The following BMP2K variants were observed in gnomAD, a reference collection of about 807,000 sequenced individuals.
BMP2K encodes the protein BMP-2-inducible protein kinase.
BMP2K carries 74 observed loss-of-function variants against 116.0 expected under a neutral mutation model. The ratio of observed to expected loss-of-function variants is 0.64; its 90% confidence interval spans 0.53 to 0.77. The LOEUF (loss-of-function observed/expected upper bound fraction) is 0.77, where lower values mean the gene tolerates loss of function less well. Among genes scored for constraint, BMP2K ranks in the 30% least tolerant of loss-of-function variants. The pLI, the probability that BMP2K is intolerant of heterozygous loss-of-function variation, is 0.00. For synonymous variants in BMP2K, 486 were observed against 502.5 expected, an observed-to-expected ratio of 0.97 and a Z score of 0.44; for missense variants, 1,365 against 1,403.6, an observed-to-expected ratio of 0.97 and a Z score of 0.44.
chr4:78,870,707 A>G, intron 10 of BMP2K, 76 bp from the exon 11 acceptor site: 1 of 1,515,420 alleles, frequency 6.6e-7, no homozygotes, highest in Non-Finnish European at 8.8e-7. Context: ...ATTATTATTG[A>G]AATGAGCATG....
At chr4:78,893,945 T>C (rs986517222) in intron 15 of BMP2K, among the ~76,000 whole-genome samples, 5 of 152,208 alleles carry the variant, frequency 3.3e-5, no homozygotes, top group African/African-American at 1.2e-4. Context: ...AAAACAACAG[T>C]AATCTTCTTG....
intron 9 of BMP2K, among the ~76,000 whole-genome samples, chr4:78,864,318 G>A (rs535602861): frequency 2.8e-4 from 42 of 151,768 alleles, no homozygotes; most frequent in African/African-American, 9.9e-4. Flanking sequence ...TGATTGTAAT[G>A]CCACATCAAT....
chr4:78,792,483 T>C (rs1728050414), intron 1 of BMP2K, among the ~76,000 whole-genome samples: 1 of 152,228 alleles, frequency 6.6e-6, no homozygotes, highest in African/African-American at 2.4e-5. Flanking sequence ...GCAGACATTT[T>C]CTTAAAAGAT....
chr4:78,899,226 T>C (rs1733872420), intron 15 of BMP2K: 1 of 152,154 alleles, frequency 6.6e-6, no homozygotes, highest in South Asian at 2.1e-4. Context: ...GGGCAGAATA[T>C]ATAGGATTTA....
chr4:78,864,588 A>G (rs553558692), intron 9 of BMP2K, among the ~76,000 whole-genome samples: 66 of 151,888 alleles, frequency 4.3e-4, no homozygotes, highest in Non-Finnish European at 6.9e-4. Flanking sequence ...TTGGAAAGAT[A>G]GTTGTTAATA....
At chr4:78,863,959 T>G (rs1462500169) in intron 9 of BMP2K, among the ~76,000 whole-genome samples, 2 of 152,186 alleles carry the variant, frequency 1.3e-5, no homozygotes, top group Non-Finnish European at 2.9e-5. Flanking sequence ...CTATCTTATA[T>G]TTATTACATT....
At chr4:78,781,224 C>G (rs1182457773) in intron 1 of BMP2K, among the ~76,000 whole-genome samples, 6 of 152,220 alleles carry the variant, frequency 3.9e-5, no homozygotes, top group African/African-American at 1.4e-4. Context: ...GTGACATGCT[C>G]TGATTTGTAT....
Position 78,914,581 on chromosome 4 carries a change from T to C in BMP2K, c.*2548T>C, listed in dbSNP as rs550977127. On this transcript the variant is annotated 3_prime_UTR_variant, in exon 16 of 16. Coordinates refer to ENST00000502613, the MANE Select transcript of BMP2K (RefSeq NM_198892.2). Reference sequence around the variant, plus strand: ...TATTCCCTTGTGAGAATTATGAGAATAAAGCTCCCAAGATATGTGAAAGTG... The same window carrying C: ...TATTCCCTTGTGAGAATTATGAGAACAAAGCTCCCAAGATATGTGAAAGTG... 6.6e-6 allele frequency: 1 copy of C among 152,068 alleles called. No homozygotes were observed. Among genetic ancestry groups the C allele is most frequent in the East Asian group, 1.9e-4 (1 of 5,182 alleles). The allele number at this position is 152,068 out of a possible 1,614,324, so 9.4% of individuals were successfully genotyped here.
intron 1 of BMP2K, among the ~76,000 whole-genome samples, chr4:78,823,681 A>G (rs1176223892): frequency 6.6e-6 from 1 of 151,354 alleles, no homozygotes; most frequent in Non-Finnish European, 1.5e-5. Context: ...GGGCCCCATT[A>G]TAGGCCTACT....
intron 6 of BMP2K, among the ~76,000 whole-genome samples, chr4:78,850,609 G>T (rs1033480054): frequency 6.6e-6 from 1 of 151,788 alleles, no homozygotes; most frequent in Admixed American, 6.6e-5. Context: ...TTATATGCTA[G>T]TTATGTATTA....
chr4:78,784,321 TATA>T (rs1727638584), intron 1 of BMP2K, among the ~76,000 whole-genome samples: 1 of 152,220 alleles, frequency 6.6e-6, no homozygotes, highest in Admixed American at 6.5e-5. Context: ...AGTGGTCGGG[TATA>T]ATATTTCATC....
At chr4:78,785,084 C>A (rs1199393855) in intron 1 of BMP2K, among the ~76,000 whole-genome samples, 1 of 151,912 alleles carries the variant, frequency 6.6e-6, no homozygotes, top group Non-Finnish European at 1.5e-5. Flanking sequence ...ATTTTTTAAT[C>A]CTAAAGTATG....
At chr4:78,842,947 C>T (rs372445431) in intron 4 of BMP2K, among the ~76,000 whole-genome samples, 40 of 151,946 alleles carry the variant, frequency 2.6e-4, no homozygotes, top group African/African-American at 7.2e-4. Flanking sequence ...ATAAGTGGGT[C>T]TCTTTTTCTA....
chr4:78,858,783 G>GGGTT (rs1553918167), intron 7 of BMP2K, among the ~76,000 whole-genome samples: 3 of 105,270 alleles, frequency 2.8e-5, no homozygotes, highest in Non-Finnish European at 5.0e-5. Flanking sequence ...TAACAACTTA[G>GGGTT]AGTTAATGAA....
intron 15 of BMP2K, among the ~76,000 whole-genome samples, chr4:78,890,363 A>G (rs1001827763): frequency 1.3e-5 from 2 of 151,552 alleles, no homozygotes; most frequent in East Asian, 1.9e-4. Context: ...TTTGATTTAG[A>G]TATTTTACAG....
chr4:78,847,166 C>T, intron 5 of BMP2K, 22 bp from the exon 6 acceptor site: 1 of 1,347,148 alleles, frequency 7.4e-7, no homozygotes, highest in Non-Finnish European at 1.0e-6. Context: ...ATCTCCACTC[C>T]ATTTCACTCA....
rs147520467 is a variant in BMP2K at position 78,845,434 on chromosome 4, T to A, written c.668+385T>A. On this transcript the variant is annotated intron_variant, in intron 5 of 15. Transcript: ENST00000502613. ...AACATTTAAGCTTTTACTTCTTATT[T>A]AATATTAAAAGGATTGACTTTTTAT... 5.3e-3 allele frequency among the ~76,000 whole-genome samples: 808 copies of A among 151,784 alleles called. 6 individuals carry two copies. Among genetic ancestry groups the A allele is most frequent in the African/African-American group, 0.019 (786 of 41,514 alleles).
chr4:78,868,275 G>A (rs1446602136), intron 10 of BMP2K, among the ~76,000 whole-genome samples: 1 of 152,028 alleles, frequency 6.6e-6, no homozygotes, highest in Non-Finnish European at 1.5e-5. Context: ...TGAGGAGGAA[G>A]CAAAAGCAGA....
Position 78,786,042 on chromosome 4 carries a change from T to C in BMP2K, c.178+9321T>C, listed in dbSNP as rs1727709391. 2.0e-5 allele frequency among the ~76,000 whole-genome samples: 3 copies of C among 152,172 alleles called. No homozygotes were observed. In the South Asian group the frequency reaches 6.2e-4, roughly 31 times the overall value. ...TTAATCTCTTACTCTTACTCCCTACTTATATTACACTGATGTGCTTGGTAT... is the reference window on the plus strand; with the variant it reads ...TTAATCTCTTACTCTTACTCCCTACCTATATTACACTGATGTGCTTGGTAT... On this transcript the variant is annotated intron_variant, in intron 1 of 15. Transcript: ENST00000502613.
Sources: allele counts gnomAD v4.1 joint callset (sites outside exome capture counted in the v4.1 genomes callset), GRCh38; gene constraint gnomAD v4.1.1; transcripts MANE v1.5; gene names NCBI Gene and HGNC (gene_info 2026-07-23, HGNC 2026-07-21).